Variants in MLLT1 observed in about 807,000 individuals in gnomAD.
MLLT1 encodes the protein MLLT1 super elongation complex subunit.
A neutral mutation model predicts 55.1 loss-of-function variants in MLLT1; 11 were observed. The ratio of observed to expected loss-of-function variants is 0.20; its 90% confidence interval spans 0.13 to 0.33. MLLT1 has a LOEUF of 0.33. Among genes scored for constraint, MLLT1 ranks in the 10% least tolerant of loss-of-function variants. The pLI is 1.00. For missense variants in MLLT1, 536 were observed against 760.6 expected (o/e 0.70, Z 3.47); for synonymous variants, 323 against 320.1 (o/e 1.01, Z -0.10).
Position 6,230,508 on chromosome 19 carries a change from G to C in MLLT1, c.420+62C>G. On this transcript the variant is annotated intron_variant, in intron 4 of 11. Coordinates refer to ENST00000252674, the MANE Select transcript of MLLT1 (RefSeq NM_005934.4). This position sits in a 1 kb window ranked among gnomAD's most constrained non-coding sequence, Gnocchi z 9.0. The stretch of plus-strand genomic sequence containing the variant: ...CCGACACCTCTGGCTGGGCACAGAC[G>C]GCCGCAGCAAAGTAGCCTCGGTGGA... 4 of 1,592,538 alleles carry C rather than the reference G, an allele frequency of 2.5e-6. No homozygotes were observed. Among genetic ancestry groups the C allele is most frequent in the Non-Finnish European group, 3.4e-6 (4 of 1,170,970 alleles).
In MLLT1 at chr19:6,260,969, C is replaced by T. The variant is rs577815242; in HGVS notation, c.276+1259G>A. 6.4e-4 allele frequency among the ~76,000 whole-genome samples: 97 copies of T among 152,246 alleles called. 2 individuals carry two copies. Among genetic ancestry groups the T allele is most frequent in the Admixed American group, 9.8e-4 (15 of 15,290 alleles). On this transcript the variant is annotated intron_variant, in intron 3 of 11. Coordinates refer to ENST00000252674, the MANE Select transcript of MLLT1 (RefSeq NM_005934.4). ...ACAGATGGTGGTCCCACAGCCCACC[C>T]GCTAGAATACCAGTGCCTGGGCTGT...
At chr19:6,220,543 A>T (rs1433878395) in intron 6 of MLLT1, among the ~76,000 whole-genome samples, 1 of 152,240 alleles carries the variant, frequency 6.6e-6, no homozygotes, top group Non-Finnish European at 1.5e-5. Flanking sequence ...CAGCTGTTTC[A>T]CAACACTGGT....
At chr19:6,228,796 C>T (rs1268046096) in intron 4 of MLLT1, among the ~76,000 whole-genome samples, 1 of 152,154 alleles carries the variant, frequency 6.6e-6, no homozygotes, top group African/African-American at 2.4e-5. Flanking sequence ...CCCTGGAGGC[C>T]TGGAAAGTTC....
At chr19:6,248,259 CA>C (rs1449265410) in intron 3 of MLLT1, among the ~76,000 whole-genome samples, 1 of 152,190 alleles carries the variant, frequency 6.6e-6, no homozygotes, top group African/African-American at 2.4e-5. Context: ...TAAAAACAGA[CA>C]AAACAAAACA....
chr19:6,246,809 C>G (rs1342309109), intron 3 of MLLT1, among the ~76,000 whole-genome samples: 2 of 152,180 alleles, frequency 1.3e-5, no homozygotes, highest in Non-Finnish European at 2.9e-5. Flanking sequence ...TGAAATGCAA[C>G]TGAGACTGAC....
chr19:6,276,663 C>A (rs953277946), intron 1 of MLLT1, among the ~76,000 whole-genome samples: 20 of 152,054 alleles, frequency 1.3e-4, no homozygotes, highest in African/African-American at 3.6e-4. Context: ...CCAGTCCCCT[C>A]CCCCCGGCCC....
Position 6,270,201 on chromosome 19 carries a change from T to G in MLLT1, c.193+378A>C, listed in dbSNP as rs1405867912. ...TGGTGACATGAGCTCCGGCATTCTT[T>G]CTGCCCCAAATATTGGGAATTCTTC... On this transcript the variant is annotated intron_variant, in intron 2 of 11. Coordinates refer to ENST00000252674, the MANE Select transcript of MLLT1 (RefSeq NM_005934.4). This position sits in a 1 kb window ranked among gnomAD's most constrained non-coding sequence, Gnocchi z 7.1. Among the ~76,000 whole-genome samples the G allele has an allele frequency of 1.4e-5, 2 of 142,110 alleles. No homozygotes were observed. The highest frequency in any genetic ancestry group is 3.1e-5 in the Non-Finnish European group (2 of 63,908). The allele number at this position is 142,110 out of a possible 152,430, so 93.2% of individuals were successfully genotyped here.
chr19:6,236,171 G>A (rs1286564504), intron 3 of MLLT1, among the ~76,000 whole-genome samples: 2 of 152,144 alleles, frequency 1.3e-5, no homozygotes, highest in Non-Finnish European at 2.9e-5. Flanking sequence ...TAATCTTACG[G>A]ATAGTCAGAG....
chr19:6,214,244 CCAGAGGCCCTTTGGGGGCCG>C (rs1262478508), intron 8 of MLLT1, among the ~76,000 whole-genome samples: 1 of 152,182 alleles, frequency 6.6e-6, no homozygotes, highest in Non-Finnish European at 1.5e-5. Context: ...ACCAGGCCAC[CCAGAGGCCCTTTGGGGGCCG>C]CCCGAGCAGG....
intron 3 of MLLT1, among the ~76,000 whole-genome samples, chr19:6,247,481 T>C (rs1006971163): frequency 9.9e-5 from 15 of 152,212 alleles, no homozygotes; most frequent in African/African-American, 3.4e-4. Context: ...GACTGGATTA[T>C]GACCCCAAAG....
intron 1 of MLLT1, among the ~76,000 whole-genome samples, chr19:6,274,908 G>A (rs1362050236): frequency 6.6e-6 from 1 of 152,236 alleles, no homozygotes; most frequent in Non-Finnish European, 1.5e-5. Flanking sequence ...CTGGCAGAGG[G>A]CACTTGGAAC....
In MLLT1 at chr19:6,217,964, G is replaced by A; in HGVS notation, c.1188C>T (p.Asn396=). 5.6e-6 allele frequency: 9 copies of A among 1,606,056 alleles called. No homozygotes were observed. Among genetic ancestry groups the A allele is most frequent in the Non-Finnish European group, 7.6e-6 (9 of 1,176,532 alleles). The change falls in exon 7 of 12, where the codon AAC becomes AAT. Residue 396 remains asparagine (N), a synonymous_variant. Coordinates refer to ENST00000252674, the MANE Select transcript of MLLT1 (RefSeq NM_005934.4). Reference sequence around the variant, plus strand: ...GCTCTCCATACACACCTTGGCTGTGGTTCTGGGATGGCTCGAAGTCTGAGT... The same window carrying A: ...GCTCTCCATACACACCTTGGCTGTGATTCTGGGATGGCTCGAAGTCTGAGT... The part of the protein sequence containing the change: ...SSDSDFEPSQ[N]HSQGPLRSMV...
chr19:6,213,861 C>T, intron 9 of MLLT1, 64 bp from the exon 10 acceptor site: 2 of 1,587,574 alleles, frequency 1.3e-6, no homozygotes, highest in South Asian at 1.1e-5. Flanking sequence ...GAAGGCCCCA[C>T]AAACCCTCCT....
rs2090777994 is a variant in MLLT1 at position 6,212,017 on chromosome 19, C to T, written c.*1025G>A. ...AGGGGCTGACCAGAGTTCAATGCGCCTCAGAAAACTCCATAAACTATCCCG... is the reference window on the plus strand; with the variant it reads ...AGGGGCTGACCAGAGTTCAATGCGCTTCAGAAAACTCCATAAACTATCCCG... On this transcript the variant is annotated 3_prime_UTR_variant, in exon 12 of 12. Coordinates refer to ENST00000252674, the MANE Select transcript of MLLT1 (RefSeq NM_005934.4). 7.5e-6 allele frequency: 8 copies of T among 1,065,930 alleles called. No individual in the cohort carries two copies. In the African/African-American group the frequency reaches 1.3e-4, roughly 17 times the overall value. 66.0% of individuals were successfully genotyped at this position (1,065,930 alleles called of 1,614,324 possible). A position where few individuals can be genotyped will look rare whatever the true frequency, so the allele number is the denominator to read the frequency against.
rs183967776 is a variant in MLLT1, at chr19:6,268,396, A to G, written c.193+2183T>C. 1.7e-4 allele frequency among the ~76,000 whole-genome samples: 14 copies of G among 83,094 alleles called. No individual in the cohort carries two copies. In the East Asian group the frequency reaches 2.4e-3, roughly 14 times the overall value. The allele number at this position is 83,094 out of a possible 152,430, so 54.5% of individuals were successfully genotyped here. On this transcript the variant is annotated intron_variant, in intron 2 of 11. Transcript: ENST00000252674. ...GTCTACATTTAAAAAATCAAGAAAT[A>G]AGAAGCAAATGAGCTGGTATTAAGA...
chr19:6,278,036 C>T (rs942206667), intron 1 of MLLT1, among the ~76,000 whole-genome samples: 3 of 152,226 alleles, frequency 2.0e-5, no homozygotes, highest in African/African-American at 7.2e-5. Context: ...CTCCATGACC[C>T]TGTGCCACAG....
intron 3 of MLLT1, among the ~76,000 whole-genome samples, chr19:6,233,539 T>C (rs1170869002): frequency 6.6e-6 from 1 of 152,132 alleles, no homozygotes; most frequent in Non-Finnish European, 1.5e-5. Flanking sequence ...GGTAAGGACA[T>C]GGAAGGGAGG....
intron 8 of MLLT1, among the ~76,000 whole-genome samples, chr19:6,215,077 C>T (rs777808244): frequency 9.2e-5 from 14 of 152,128 alleles, no homozygotes; most frequent in Non-Finnish European, 1.8e-4. Flanking sequence ...ACTGGGATGA[C>T]GGCTGGGCAC....
At chr19:6,244,043 CAAAAAAAAA>C (rs1179461309) in intron 3 of MLLT1, among the ~76,000 whole-genome samples, 1 of 45,172 alleles carries the variant, frequency 2.2e-5, no homozygotes, top group Admixed American at 2.3e-4. Context: ...GACTCCACCT[CAAAAAAAAA>C]AAAAAAAAAA....
Sources: gnomAD v4.1 joint callset for allele counts (sites outside exome capture counted in the v4.1 genomes callset) on GRCh38, gnomAD v4.1.1 for gene constraint, Gnocchi (gnomAD v3.1) non-coding constraint, MANE v1.5 for transcripts, NCBI Gene and HGNC (gene_info 2026-07-23, HGNC 2026-07-21) for gene names.